The following NSD2 variants were observed in gnomAD, a reference collection of about 807,000 sequenced individuals.
The protein encoded by NSD2 is nuclear receptor binding SET domain protein 2.
Under a neutral mutation model 139.0 loss-of-function variants are expected in NSD2, and 12 were observed. The observed-to-expected ratio is 0.09, with a 90% CI of 0.06 to 0.14. The LOEUF is 0.14. Ranked by LOEUF, NSD2 falls within the 10% of genes least tolerant of loss-of-function variation. The probability of loss-of-function intolerance (pLI) is 1.00; values close to 1 mark genes in which losing one functional copy is unlikely to be tolerated. For synonymous variants in NSD2, 669 were observed against 648.7 expected (o/e 1.03, Z -0.48); for missense variants, 1,155 against 1,745.0 (o/e 0.66, Z 6.02).
At chr4:1,880,924 T>G (rs1177903096) in intron 1 of NSD2, among the ~76,000 whole-genome samples, 1 of 152,216 alleles carries the variant, frequency 6.6e-6, no homozygotes, top group African/African-American at 2.4e-5. Flanking sequence ...CTGATTATAT[T>G]TATTATTGAG....
chr4:1,981,613 G>A lies in NSD2; in HGVS notation c.*2704G>A, dbSNP rs578103871. 2 of 374,230 alleles carry A rather than the reference G, an allele frequency of 5.3e-6. No individual in the cohort carries two copies. The highest frequency in any genetic ancestry group is 7.6e-5 in the East Asian group (2 of 26,410). 23.2% of individuals were successfully genotyped at this position (374,230 alleles called of 1,614,324 possible). On this transcript the variant is annotated 3_prime_UTR_variant, in exon 22 of 22. Coordinates refer to ENST00000508803, the MANE Select transcript of NSD2 (RefSeq NM_001042424.3). ...GGGGGAAACTCTTCAGGCACCTGAA[G>A]TGAGAACCCAGCTGTCCGTCCTCAG...
intron 3 of NSD2, among the ~76,000 whole-genome samples, chr4:1,914,011 C>A (rs1300468886): frequency 6.6e-6 from 1 of 152,050 alleles, no homozygotes; most frequent in Non-Finnish European, 1.5e-5. Flanking sequence ...TGAGTCCTTG[C>A]AGTTCAGAGT....
intron 3 of NSD2, among the ~76,000 whole-genome samples, chr4:1,909,638 CTTTT>C (rs751737438): frequency 6.8e-6 from 1 of 146,944 alleles, no homozygotes; most frequent in Non-Finnish European, 1.5e-5. Context: ...TATTCCTATC[CTTTT>C]TTTTTTTCTT....
At chr4:1,891,463 A>T (rs1715538776) in intron 1 of NSD2, among the ~76,000 whole-genome samples, 1 of 152,160 alleles carries the variant, frequency 6.6e-6, no homozygotes, top group African/African-American at 2.4e-5. Flanking sequence ...CCTTCTGCTC[A>T]GTTGGATTCA....
chr4:1,900,611 T>A lies in NSD2; in HGVS notation c.-29-15T>A. On this transcript the variant is annotated splice_polypyrimidine_tract_variant and intron_variant, in intron 1 of 21. Coordinates refer to ENST00000508803, the MANE Select transcript of NSD2 (RefSeq NM_001042424.3). ...ATTGCTTTTTCTTTCTTTTTTCTTTTTTTTAATACCATAGTGTTCTAAGAA... is the reference window on the plus strand; with the variant it reads ...ATTGCTTTTTCTTTCTTTTTTCTTTATTTTAATACCATAGTGTTCTAAGAA... The A allele has an allele frequency of 6.8e-7, 1 of 1,472,786 alleles. No homozygotes were observed. 91.2% of individuals were successfully genotyped at this position (1,472,786 alleles called of 1,614,324 possible).
Position 1,938,545 on chromosome 4 carries a change from G to T in NSD2, c.1756+13G>T, listed in dbSNP as rs747356821. 6.2e-7 allele frequency: 1 copy of T among 1,600,866 alleles called. No homozygotes were observed. The highest frequency in any genetic ancestry group is 2.2e-5 in the East Asian group (1 of 44,574). ...AAGAGCCAGGCAGGTAATGTGGTCA[G>T]CGCCCTTTCCTTCTTGGCTTCTGGG... On this transcript the variant is annotated intron_variant, in intron 8 of 21. Transcript: ENST00000508803.
chr4:1,906,057 C>G (rs1244820891), intron 3 of NSD2, among the ~76,000 whole-genome samples: 1 of 152,128 alleles, frequency 6.6e-6, no homozygotes, highest in Non-Finnish European at 1.5e-5. Context: ...ACACAGCAAA[C>G]CCTGTGACTC....
Position 1,900,630 on chromosome 4 carries a change from C to A in NSD2, c.-25C>A, listed in dbSNP as rs750660030. On this transcript the variant is annotated 5_prime_UTR_variant, in exon 2 of 22. Transcript: ENST00000508803. The stretch of plus-strand genomic sequence containing the variant: ...TTCTTTTTTTTAATACCATAGTGTT[C>A]TAAGAACGGAAGCATCTGGGCTGGA... The A allele has an allele frequency of 1.3e-6, 2 of 1,520,400 alleles. No homozygotes were observed. Among genetic ancestry groups the A allele is most frequent in the South Asian group, 1.3e-5 (1 of 76,870 alleles). The allele number at this position is 1,520,400 out of a possible 1,614,324, so 94.2% of individuals were successfully genotyped here. A position where few individuals can be genotyped will look rare whatever the true frequency, so the allele number is the denominator to read the frequency against.
chr4:1,912,684 C>T (rs1442159018), intron 3 of NSD2, among the ~76,000 whole-genome samples: 1 of 152,002 alleles, frequency 6.6e-6, no homozygotes, highest in Non-Finnish European at 1.5e-5. Context: ...TCTTGGAACT[C>T]ATCTTTTAAC....
chr4:1,978,529 CTA>C (rs1727372498), intron 21 of NSD2, 107 bp from the exon 22 acceptor site: 5 of 1,463,912 alleles, frequency 3.4e-6, no homozygotes, highest in Non-Finnish European at 3.7e-6. Flanking sequence ...GGAGCCAGCA[CTA>C]TTTTGTGTTC....
chr4:1,895,922 G>T (rs763005063), intron 1 of NSD2, among the ~76,000 whole-genome samples: 1 of 152,240 alleles, frequency 6.6e-6, no homozygotes, highest in African/African-American at 2.4e-5. Flanking sequence ...GAGGGGCTCA[G>T]GTGATGATGA....
chr4:1,976,520 A>C lies in NSD2; in HGVS notation c.3667A>C (p.Lys1223Gln). 1.2e-6 allele frequency: 2 copies of C among 1,613,980 alleles called. No homozygotes were observed. The highest frequency in any genetic ancestry group is 8.5e-7 in the Non-Finnish European group (1 of 1,179,964). Residue 1223 changes from lysine (K) to glutamine (Q), a missense_variant, in exon 21 of 22, where the codon AAG (lysine) becomes CAG (glutamine). By Grantham distance (53) the Lys-to-Gln change is moderately conservative (BLOSUM62 1). Around this residue, in one of 8 missense-constraint regions of NSD2, gnomAD observed 39 missense variants for 43.5 expected, o/e 0.90. Transcript: ENST00000508803. The surrounding 1 kb of genome is among the most constrained non-coding windows in gnomAD (Gnocchi z 5.3). ...SSEEKGKKTK[K>Q]KTRRRRAKGE... is the part of the protein sequence containing the mutation. ...AGAGGAAAAGGGCAAAAAGACCAAG[A>C]AGAAAACGAGGCGGCGCAGAGCAAA... is the stretch of plus-strand genomic sequence containing the variant.
Position 1,973,263 on chromosome 4 carries a change from G to A in NSD2, c.3373-1600G>A, listed in dbSNP as rs143374402. Among the ~76,000 whole-genome samples the A allele has an allele frequency of 7.9e-5, 12 of 152,310 alleles. No homozygotes were observed. Among genetic ancestry groups the A allele is most frequent in the East Asian group, 5.8e-4 (3 of 5,168 alleles). ...GCAACCCACAGATGAAAACTGGCCC[G>A]ATAAGAAGGAAGTGGCACTGGGCCC... On this transcript the variant is annotated intron_variant, in intron 18 of 21. Coordinates refer to ENST00000508803, the MANE Select transcript of NSD2 (RefSeq NM_001042424.3). This position sits in a 1 kb window ranked among gnomAD's most constrained non-coding sequence, Gnocchi z 5.5.
chr4:1,918,898 A>G, intron 5 of NSD2: 2 of 311,584 alleles, frequency 6.4e-6, no homozygotes, highest in Non-Finnish European at 1.2e-5. Context: ...CTGTAATTTC[A>G]GTACTTTGGG....
rs751359183 is a variant in NSD2 at position 1,978,622 on chromosome 4, T to C, written c.3827-16T>C. 6.9e-6 allele frequency: 11 copies of C among 1,593,606 alleles called. No individual in the cohort carries two copies. The Admixed American group carries it at 1.5e-4, about 22-fold the overall frequency. On this transcript the variant is annotated splice_polypyrimidine_tract_variant and intron_variant, in intron 21 of 21. Transcript: ENST00000508803. ...TCCATCACTTCTGTGTGCTCACATC[T>C]TGTGTTCTGTTGCAGGGAAGTGGGA... is the stretch of plus-strand genomic sequence containing the variant.
At chr4:1,890,677 C>G (rs1041529725) in intron 1 of NSD2, among the ~76,000 whole-genome samples, 2 of 152,016 alleles carry the variant, frequency 1.3e-5, no homozygotes, top group Non-Finnish European at 2.9e-5. Flanking sequence ...TCTCGGCTCA[C>G]TGCAACCTCC....
chr4:1,896,472 C>T (rs1458759556), intron 1 of NSD2, among the ~76,000 whole-genome samples: 2 of 152,260 alleles, frequency 1.3e-5, no homozygotes, highest in African/African-American at 2.4e-5. Flanking sequence ...GAGCCCAAGC[C>T]ATCCTCACAC....
At position 1,955,718 on chromosome 4, in the gene NSD2, C is replaced by A. The variant is rs146558233; in HGVS notation, c.2544C>A (p.Ser848=). 39 of 1,613,736 alleles carry A rather than the reference C, an allele frequency of 2.4e-5. No homozygotes were observed. In the African/African-American group the frequency reaches 5.1e-4, roughly 21 times the overall value. ...GGGGGAGCCTTCTGTGCTGTGAGTC[C>A]TGCCCAGCGGCCTTCCACCCTGACT... ...SKGGSLLCCE[S]CPAAFHPDCL... Residue 848 remains serine (S), a synonymous_variant, in exon 14 of 22, where the codon TCC becomes TCA. Coordinates refer to ENST00000508803, the MANE Select transcript of NSD2 (RefSeq NM_001042424.3). This position sits in a 1 kb window ranked among gnomAD's most constrained non-coding sequence, Gnocchi z 4.7.
chr4:1,914,933 T>G (rs1373079435), intron 3 of NSD2, among the ~76,000 whole-genome samples: 1 of 152,170 alleles, frequency 6.6e-6, no homozygotes, highest in Non-Finnish European at 1.5e-5. Context: ...GACTTGATTT[T>G]GGGTTTATTC....
Sources: allele counts gnomAD v4.1 joint callset (sites outside exome capture counted in the v4.1 genomes callset), GRCh38; gene constraint gnomAD v4.1.1; regional missense constraint gnomAD v4.1.1; non-coding constraint Gnocchi (gnomAD v3.1); transcripts MANE v1.5; gene names NCBI Gene and HGNC (gene_info 2026-07-23, HGNC 2026-07-21).